NPAS2: variants seen among roughly 807,000 people sequenced by gnomAD.
The protein encoded by NPAS2 is neuronal PAS domain-containing protein 2.
NPAS2 carries 23 observed loss-of-function variants against 107.5 expected under a neutral mutation model. The ratio of observed to expected loss-of-function variants is 0.21; its 90% confidence interval spans 0.15 to 0.30. The LOEUF (loss-of-function observed/expected upper bound fraction) is 0.30. NPAS2 is among the 10% of genes least tolerant of loss of function. The probability of loss-of-function intolerance (pLI) is 1.00; values close to 1 mark genes in which losing one functional copy is unlikely to be tolerated. For synonymous variants in NPAS2, 403 were observed against 417.5 expected (o/e 0.97, Z 0.42); for missense variants, 756 against 1,043.3 (o/e 0.72, Z 3.79).
chr2:100,904,809 C>T lies in NPAS2; in HGVS notation c.32+23C>T, dbSNP rs1208719235. ...GAGGTAAGATGCAGCTGTCCCCCTG[C>T]TCAGCAGAGCTCTCTGGCCCCCGGG... is the stretch of plus-strand genomic sequence containing the variant. On this transcript the variant is annotated intron_variant, in intron 2 of 20. Coordinates refer to ENST00000335681, the MANE Select transcript of NPAS2 (RefSeq NM_002518.4). 10 of 1,570,376 alleles carry T rather than the reference C, an allele frequency of 6.4e-6. No individual in the cohort carries two copies. In the East Asian group the frequency reaches 1.8e-4, roughly 28 times the overall value.
chr2:100,967,039 C>T (rs1283849340), intron 10 of NPAS2, among the ~76,000 whole-genome samples: 4 of 151,656 alleles, frequency 2.6e-5, no homozygotes, highest in African/African-American at 9.7e-5. Context: ...ATAGGCATCA[C>T]GGGAAGTTTG....
intron 1 of NPAS2, among the ~76,000 whole-genome samples, chr2:100,865,756 G>C (rs541674733): frequency 3.9e-5 from 6 of 152,156 alleles, no homozygotes; most frequent in Non-Finnish European, 8.8e-5. Flanking sequence ...AACTCAAGGA[G>C]CTCTGTCCAG....
Position 100,990,872 on chromosome 2 carries a change from A to G in NPAS2, c.2111A>G (p.Lys704Arg), listed in dbSNP as rs1387617734. 1 of 1,614,006 alleles carries G rather than the reference A, an allele frequency of 6.2e-7. No homozygotes were observed. Among genetic ancestry groups the G allele is most frequent in the Non-Finnish European group, 8.5e-7 (1 of 1,179,868 alleles). The change falls in exon 19 of 21, where the codon AAG (lysine) becomes AGG (arginine). Residue 704 changes from lysine to arginine, a missense_variant and splice_region_variant. Transcript: ENST00000335681. ...GTCAGCAGGACGGGACGGCAAGTCA[A>G]GTACGTGGACCCTGGCGGGAGGCAG... ...SEVSRTGRQV[K>R]YAQSQTVFQN...
intron 1 of NPAS2, among the ~76,000 whole-genome samples, chr2:100,837,591 G>A (rs1677147315): frequency 6.6e-6 from 1 of 152,122 alleles, no homozygotes; most frequent in African/African-American, 2.4e-5. Flanking sequence ...GCGATTACAG[G>A]CATGAGCCAC....
At chr2:100,988,022 C>T in intron 16 of NPAS2, 57 bp from the exon 17 acceptor site, 1 of 1,571,098 alleles carries the variant, frequency 6.4e-7, no homozygotes. Context: ...AAAGGAGGTG[C>T]ACACTGGTGA....
intron 1 of NPAS2, chr2:100,823,617 C>T (rs920875505): frequency 3.3e-5 from 5 of 152,160 alleles, no homozygotes; most frequent in Admixed American, 2.0e-4. Context: ...AGATGCTGCA[C>T]GCTGGCAAGG....
chr2:100,932,970 G>C lies in NPAS2; in HGVS notation c.242G>C (p.Ser81Thr). 1.2e-6 allele frequency: 2 copies of C among 1,613,926 alleles called. No individual in the cohort carries two copies. The highest frequency in any genetic ancestry group is 1.7e-6 in the Non-Finnish European group (2 of 1,179,800). Residue 81 changes from serine to threonine, a missense_variant, in exon 4 of 21, where the codon AGT becomes ACT. Physicochemically the swap from Ser to Thr is moderately conservative, Grantham distance 58 (BLOSUM62 1). Coordinates refer to ENST00000335681, the MANE Select transcript of NPAS2 (RefSeq NM_002518.4). ...CAAGACTGGAAGCCTTCATTCCTCA[G>C]TAATGAAGAATTCACCCAGCTGATG... ...IQQDWKPSFLSNEEFTQLMLE... is the reference protein window; with the variant it reads ...IQQDWKPSFLTNEEFTQLMLE...
intron 1 of NPAS2, among the ~76,000 whole-genome samples, chr2:100,886,192 G>A (rs974692021): frequency 2.6e-5 from 4 of 152,140 alleles, no homozygotes; most frequent in Non-Finnish European, 5.9e-5. Context: ...GGGTGGGTGG[G>A]AATCCACACT....
At chr2:100,907,489 AACACACACACAC>A (rs55951417) in intron 2 of NPAS2, among the ~76,000 whole-genome samples, 4 of 144,782 alleles carry the variant, frequency 2.8e-5, no homozygotes, top group African/African-American at 1.0e-4. Context: ...AACACTTGGG[AACACACACACAC>A]ACACACACAC....
At chr2:100,923,642 C>T (rs1471693945) in intron 2 of NPAS2, among the ~76,000 whole-genome samples, 3 of 152,138 alleles carry the variant, frequency 2.0e-5, no homozygotes, top group Non-Finnish European at 2.9e-5. Context: ...ACCATGACCC[C>T]GGGCCCAAGG....
chr2:100,848,041 T>C (rs1677893015), intron 1 of NPAS2, among the ~76,000 whole-genome samples: 1 of 152,184 alleles, frequency 6.6e-6, no homozygotes, highest in South Asian at 2.1e-4. Context: ...TTTTTAGTGT[T>C]GACAAATCTG....
intron 2 of NPAS2, among the ~76,000 whole-genome samples, chr2:100,908,515 C>T (rs1241391268): frequency 1.3e-5 from 2 of 152,180 alleles, no homozygotes; most frequent in Admixed American, 1.3e-4. Context: ...CTGTGACATT[C>T]AGTAAATGGA....
intron 1 of NPAS2, among the ~76,000 whole-genome samples, chr2:100,868,687 A>G (rs1422006726): frequency 6.6e-6 from 1 of 152,168 alleles, no homozygotes; most frequent in Non-Finnish European, 1.5e-5. Flanking sequence ...GCATTCTGCA[A>G]TCTGGATAAT....
chr2:100,945,127 A>G (rs1240778401), intron 5 of NPAS2, among the ~76,000 whole-genome samples: 3 of 152,250 alleles, frequency 2.0e-5, no homozygotes, highest in Admixed American at 6.5e-5. Flanking sequence ...AAATGGTAGC[A>G]TAGACGAGAG....
intron 5 of NPAS2, among the ~76,000 whole-genome samples, chr2:100,942,000 G>A (rs1674602857): frequency 6.6e-6 from 1 of 152,166 alleles, no homozygotes; most frequent in Non-Finnish European, 1.5e-5. Flanking sequence ...ACGAGGGACT[G>A]AATTCATAAC....
chr2:100,948,505 T>C, intron 6 of NPAS2, 150 bp downstream of exon 6: 1 of 763,456 alleles, frequency 1.3e-6, no homozygotes, highest in Non-Finnish European at 1.9e-6. Context: ...AGGTATATTT[T>C]AGGTTTAAAG....
intron 13 of NPAS2, 157 bp from the exon 14 acceptor site, chr2:100,975,301 C>A: frequency 1.4e-6 from 1 of 699,232 alleles, no homozygotes; most frequent in Non-Finnish European, 2.5e-6. Flanking sequence ...CCAGGCTGGG[C>A]TTCTGTGGTT....
chr2:100,893,490 G>C (rs1418294291), intron 1 of NPAS2, among the ~76,000 whole-genome samples: 3 of 152,148 alleles, frequency 2.0e-5, no homozygotes, highest in African/African-American at 4.8e-5. Flanking sequence ...ATTCAAACCA[G>C]TTCTCAGCCA....
At chr2:100,862,147 G>A (rs1678981394) in intron 1 of NPAS2, among the ~76,000 whole-genome samples, 1 of 152,078 alleles carries the variant, frequency 6.6e-6, no homozygotes, top group Non-Finnish European at 1.5e-5. Context: ...TATCGGATGG[G>A]TAAAAGGAAA....
Sources: gnomAD v4.1 joint callset for allele counts (sites outside exome capture counted in the v4.1 genomes callset) on GRCh38, gnomAD v4.1.1 for gene constraint, MANE v1.5 for transcripts, NCBI Gene and HGNC (gene_info 2026-07-23, HGNC 2026-07-21) for gene names.